Variants in LMO1 observed in about 807,000 individuals in gnomAD.
LMO1 encodes rhombotin-1.
Under a neutral mutation model 18.0 loss-of-function variants are expected in LMO1, and 10 were observed. That is an observed-to-expected ratio of 0.55 (90% CI 0.34 to 0.94). The LOEUF is 0.94. LMO1 is among the 40% of genes least tolerant of loss of function. The pLI is 0.02. For synonymous variants in LMO1, 77 were observed against 77.9 expected, an observed-to-expected ratio of 0.99 and a Z score of 0.06; for missense variants, 183 against 205.7, an observed-to-expected ratio of 0.89 and a Z score of 0.68.
chr11:8,249,974 C>T (rs1846961330), intron 1 of LMO1, among the ~76,000 whole-genome samples: 1 of 152,190 alleles, frequency 6.6e-6, no homozygotes, highest in African/African-American at 2.4e-5. Context: ...TAATGAGCTT[C>T]ATTAAGTCAA....
chr11:8,238,700 G>A lies in LMO1; in HGVS notation c.26-8196C>T, dbSNP rs1481122380. On this transcript the variant is annotated intron_variant, in intron 1 of 3. Transcript: ENST00000335790. Reference sequence around the variant, plus strand: ...AAAAAAAAAAAAAAAAAAGAATACTGGTTACTTGGGGTGAGGTGGGGGACA... The same window carrying A: ...AAAAAAAAAAAAAAAAAAGAATACTAGTTACTTGGGGTGAGGTGGGGGACA... Among the ~76,000 whole-genome samples, 5 of 149,404 alleles carry A rather than the reference G, an allele frequency of 3.3e-5. No homozygotes were observed. The East Asian group carries it at 9.8e-4, about 29-fold the overall frequency.
intron 1 of LMO1, among the ~76,000 whole-genome samples, chr11:8,241,798 AAAC>A (rs928248534): frequency 6.6e-5 from 10 of 152,174 alleles, no homozygotes; most frequent in African/African-American, 2.2e-4. Context: ...AAAAAAAAAA[AAAC>A]AAAAAAAAGT....
chr11:8,232,743 C>T (rs1005312506), intron 1 of LMO1, among the ~76,000 whole-genome samples: 4 of 152,196 alleles, frequency 2.6e-5, no homozygotes, highest in African/African-American at 9.7e-5. Context: ...ATTACCAGAA[C>T]ATGGGTGAAT....
intron 1 of LMO1, among the ~76,000 whole-genome samples, chr11:8,256,255 A>G (rs1847096011): frequency 1.3e-5 from 2 of 152,262 alleles, no homozygotes; most frequent in African/African-American, 2.4e-5. Context: ...TCATACAAGC[A>G]TGAAACTTTC....
At chr11:8,253,805 T>G (rs1386432723) in intron 1 of LMO1, among the ~76,000 whole-genome samples, 1 of 152,086 alleles carries the variant, frequency 6.6e-6, no homozygotes, top group East Asian at 1.9e-4. Context: ...CCCACGAATT[T>G]TTCCCCGCCG....
chr11:8,268,173 C>T (rs1847279854), upstream of LMO1, among the ~76,000 whole-genome samples: 2 of 152,216 alleles, frequency 1.3e-5, no homozygotes, highest in African/African-American at 4.8e-5. Flanking sequence ...GGCTGGCGGC[C>T]TCGTTGGGAC....
intron 1 of LMO1, among the ~76,000 whole-genome samples, chr11:8,253,325 C>A (rs1452782945): frequency 6.6e-6 from 1 of 152,186 alleles, no homozygotes; most frequent in African/African-American, 2.4e-5. Context: ...CACCAGTACC[C>A]CAGGGAGGAC....
intron 1 of LMO1, among the ~76,000 whole-genome samples, chr11:8,235,050 T>C (rs1952737906): frequency 6.6e-6 from 1 of 152,114 alleles, no homozygotes; most frequent in South Asian, 2.1e-4. Context: ...CAGAATGTGG[T>C]GAGGATAGAA....
chr11:8,262,585 G>T (rs1389681576), intron 1 of LMO1, among the ~76,000 whole-genome samples: 1 of 152,192 alleles, frequency 6.6e-6, no homozygotes, highest in Non-Finnish European at 1.5e-5. Flanking sequence ...CAGTTTTCTA[G>T]GGCGCACTGA....
Position 8,224,637 on chromosome 11 carries a change from G to T in LMO1, c.450C>A (p.Thr150=). ...GGCGTTACTGAACTTGGGATTCAAA[G>T]GTGCCATTGAGCTGCCCTTCCTCAT... ...MDYEEGQLNG[T]FESQVQ The change falls in exon 4 of 4, where the codon ACC becomes ACA. Residue 150 remains threonine (T), a synonymous_variant. Coordinates refer to ENST00000335790, the MANE Select transcript of LMO1 (RefSeq NM_002315.3). 6.2e-7 allele frequency: 1 copy of T among 1,607,714 alleles called. No homozygotes were observed. The highest frequency in any genetic ancestry group is 8.5e-7 in the Non-Finnish European group (1 of 1,176,462).
intron 3 of LMO1, among the ~76,000 whole-genome samples, chr11:8,226,300 G>C (rs1337744108): frequency 5.3e-5 from 8 of 152,016 alleles, no homozygotes; most frequent in Admixed American, 5.2e-4. Context: ...TTCAAGACCA[G>C]CCTGGCCAAC....
intron 1 of LMO1, among the ~76,000 whole-genome samples, chr11:8,251,126 C>T (rs563674305): frequency 9.2e-5 from 14 of 152,302 alleles, no homozygotes; most frequent in African/African-American, 3.4e-4. Flanking sequence ...CTGGCCCTGC[C>T]ACACCCATTC....
At chr11:8,257,696 G>T (rs906559488) in intron 1 of LMO1, among the ~76,000 whole-genome samples, 6 of 152,224 alleles carry the variant, frequency 3.9e-5, no homozygotes, top group Non-Finnish European at 8.8e-5. Context: ...CTTGCAAAGA[G>T]TGGTCCTAGA....
chr11:8,228,142 A>G (rs1197810353), intron 2 of LMO1, among the ~76,000 whole-genome samples: 1 of 152,252 alleles, frequency 6.6e-6, no homozygotes, highest in African/African-American at 2.4e-5. Context: ...AGCGCCAAGG[A>G]CATCTGGCAC....
At chr11:8,235,589 G>A (rs563731489) in intron 1 of LMO1, among the ~76,000 whole-genome samples, 39 of 152,170 alleles carry the variant, frequency 2.6e-4, no homozygotes, top group Middle Eastern at 6.8e-3. Context: ...GCCCTGCATC[G>A]CATTCAGTTG....
chr11:8,228,925 G>A (rs1952600074), intron 2 of LMO1, among the ~76,000 whole-genome samples: 1 of 152,096 alleles, frequency 6.6e-6, no homozygotes, highest in African/African-American at 2.4e-5. Flanking sequence ...TCTTGCTCTG[G>A]CACCCAAGCT....
intron 1 of LMO1, among the ~76,000 whole-genome samples, chr11:8,241,741 A>T (rs1424016097): frequency 2.0e-5 from 3 of 151,066 alleles, no homozygotes; most frequent in Admixed American, 6.6e-5. Context: ...TTTCCTTCTG[A>T]GTTTTTCATC....
chr11:8,255,153 T>C (rs72852563), intron 1 of LMO1, among the ~76,000 whole-genome samples: 7,888 of 152,138 alleles, frequency 0.052, 343 homozygotes, highest in South Asian at 0.19. Context: ...TTTTGGCCGA[T>C]AGAATGCAGC....
At chr11:8,264,623 TTTC>T (rs1397995724), upstream of LMO1, among the ~76,000 whole-genome samples, 1 of 151,764 alleles carries the variant, frequency 6.6e-6, no homozygotes, top group Non-Finnish European at 1.5e-5. Context: ...TTCATTCCTT[TTTC>T]TTTCTTTCTG....
Sources: allele counts gnomAD v4.1 joint callset (sites outside exome capture counted in the v4.1 genomes callset), GRCh38; gene constraint gnomAD v4.1.1; transcripts MANE v1.5; gene names NCBI Gene and HGNC (gene_info 2026-07-23, HGNC 2026-07-21).